Variants in CXCL12 observed in about 807,000 individuals in gnomAD.
CXCL12 encodes the protein stromal cell-derived factor 1.
Under a neutral mutation model 10.7 loss-of-function variants are expected in CXCL12, and 4 were observed. That is an observed-to-expected ratio of 0.37 (90% CI 0.18 to 0.86). The LOEUF (loss-of-function observed/expected upper bound fraction) is 0.86, where lower values mean the gene tolerates loss of function less well. Among genes scored for constraint, CXCL12 ranks in the 40% least tolerant of loss-of-function variants. The probability of loss-of-function intolerance (pLI) is 0.43; values close to 1 mark genes in which losing one functional copy is unlikely to be tolerated. For synonymous variants in CXCL12, 54 were observed against 45.4 expected, an observed-to-expected ratio of 1.19 and a Z score of -0.77; for missense variants, 122 against 110.4, an observed-to-expected ratio of 1.10 and a Z score of -0.47.
rs17884144 is a variant in CXCL12, at chr10:44,380,116, C to T, written c.179+647G>A. 1.5e-3 allele frequency among the ~76,000 whole-genome samples: 224 copies of T among 152,344 alleles called. 1 individual carries two copies. Among genetic ancestry groups the T allele is most frequent in the Non-Finnish European group, 2.8e-3 (189 of 68,030 alleles). On this transcript the variant is annotated intron_variant, in intron 2 of 2. Coordinates refer to ENST00000343575, the MANE Select transcript of CXCL12 (RefSeq NM_199168.4). ...GACCTCTTGAGCATGAGAGGGCTTT[C>T]AAGCACATGGCTTTCTTCCCGCATT...
intron 1 of CXCL12, among the ~76,000 whole-genome samples, chr10:44,382,497 C>T (rs1839662618): frequency 6.6e-6 from 1 of 152,170 alleles, no homozygotes; most frequent in Admixed American, 6.5e-5. Context: ...CACAAGCCCC[C>T]TCCCGGCAAC....
Position 44,377,626 on chromosome 10 carries a change from C to CT in CXCL12, c.*1006dup. 1.3e-6 allele frequency: 2 copies of CT among 1,531,394 alleles called. No individual in the cohort carries two copies. The allele number at this position is 1,531,394 out of a possible 1,614,324, so 94.9% of individuals were successfully genotyped here. ...CGGAAACCTCAGAGTTTGTTAGTGC[C>CT]TCCATGGCATACATAGGCTTCAGAG... On this transcript the variant is annotated 3_prime_UTR_variant, in exon 3 of 3. Transcript: ENST00000343575.
rs1839528410 is a variant in CXCL12, at chr10:44,378,534, G to T, written c.*99C>A. ...CCCACACACACACCTGGTCCTCATG[G>T]TTAAGGCCCCCTCCCCCACGTCTTT... On this transcript the variant is annotated 3_prime_UTR_variant, in exon 3 of 3. Coordinates refer to ENST00000343575, the MANE Select transcript of CXCL12 (RefSeq NM_199168.4). 6.3e-7 allele frequency: 1 copy of T among 1,577,602 alleles called. No homozygotes were observed. Among genetic ancestry groups the T allele is most frequent in the Non-Finnish European group, 8.6e-7 (1 of 1,161,448 alleles).
At chr10:44,380,404 C>A in intron 2 of CXCL12, 1 of 207,226 alleles carries the variant, frequency 4.8e-6, no homozygotes, top group South Asian at 1.1e-4. Flanking sequence ...ACTGGCAGGC[C>A]AGTTATCACT....
chr10:44,373,017 C>T (rs12258838), downstream of CXCL12: 54,699 of 1,536,038 alleles, frequency 0.036, 1,141 homozygotes, highest in African/African-American at 0.073. Flanking sequence ...TCAGAGAATA[C>T]AAAACCCAGG....
Position 44,378,516 on chromosome 10 carries a change from A to ACACACCTG in CXCL12, c.*109_*116dup. On this transcript the variant is annotated 3_prime_UTR_variant, in exon 3 of 3. Transcript: ENST00000343575. ...CCAGATCAATGTGCCCACCCCACACACACACCTGGTCCTCATGGTTAAGGC... is the reference window on the plus strand; with the variant it reads ...CCAGATCAATGTGCCCACCCCACACACACACCTGCACACCTGGTCCTCATGGTTAAGGC... 1 of 1,561,832 alleles carries ACACACCTG rather than the reference A, an allele frequency of 6.4e-7. No individual in the cohort carries two copies.
At chr10:44,375,981 CTTCT>C, downstream of CXCL12, 1 of 1,613,778 alleles carries the variant, frequency 6.2e-7, no homozygotes, top group Non-Finnish European at 8.5e-7. Flanking sequence ...TCTTCTGTCG[CTTCT>C]TTTTTCCTAT....
intron 2 of CXCL12, among the ~76,000 whole-genome samples, chr10:44,380,164 C>G (rs887569495): frequency 6.6e-6 from 1 of 152,234 alleles, no homozygotes; most frequent in African/African-American, 2.4e-5. Context: ...CTGTACCCAG[C>G]TGAGATCTTC....
In CXCL12 at chr10:44,377,525, T is replaced by G; in HGVS notation, c.*1108A>C. 1 of 1,412,318 alleles carries G rather than the reference T, an allele frequency of 7.1e-7. No individual in the cohort carries two copies. Among genetic ancestry groups the G allele is most frequent in the Non-Finnish European group, 9.2e-7 (1 of 1,088,208 alleles). 87.5% of individuals were successfully genotyped at this position (1,412,318 alleles called of 1,614,324 possible). A position where few individuals can be genotyped will look rare whatever the true frequency, so the allele number is the denominator to read the frequency against. ...CTTGCCAACAGTTCTGATTGGAACC[T>G]GAAACCCTGCTGTGGCTTCAGGAGG... On this transcript the variant is annotated 3_prime_UTR_variant, in exon 3 of 3. Transcript: ENST00000343575.
Position 44,378,770 on chromosome 10 carries a change from C to T in CXCL12, c.180-47G>A, listed in dbSNP as rs565795080. ...AGTGTGCGGCTGCACAGGAGGAAGG[C>T]GCGGCTGCAACGTGTGCATCCGCTC... On this transcript the variant is annotated intron_variant, in intron 2 of 2. Transcript: ENST00000343575. 30 of 1,595,408 alleles carry T rather than the reference C, an allele frequency of 1.9e-5. No homozygotes were observed. In the South Asian group the frequency reaches 2.0e-4, roughly 11 times the overall value.
In CXCL12 at chr10:44,385,082, A is replaced by T; in HGVS notation, c.-77T>A. On this transcript the variant is annotated 5_prime_UTR_variant, in exon 1 of 3. Coordinates refer to ENST00000343575, the MANE Select transcript of CXCL12 (RefSeq NM_199168.4). ...GCCGAGCGGGCAATGCGGCTGACGG[A>T]GAGTGAAAGTGCGGCGGTGGGAGGC... 1 of 1,152,168 alleles carries T rather than the reference A, an allele frequency of 8.7e-7. No homozygotes were observed. The highest frequency in any genetic ancestry group is 1.2e-6 in the Non-Finnish European group (1 of 855,192). The allele number at this position is 1,152,168 out of a possible 1,614,324, so 71.4% of individuals were successfully genotyped here.
chr10:44,372,162 A>G (rs1189140900), downstream of CXCL12: 2 of 152,254 alleles, frequency 1.3e-5, no homozygotes, highest in African/African-American at 2.4e-5. Context: ...ACTGGGTTTT[A>G]AAAACCAAAA....
In CXCL12 at chr10:44,378,450, T is replaced by C. The variant is rs755395882; in HGVS notation, c.*183A>G. ...AGCTGCAATATCATACCGTATGCTA[T>C]AAATGCAGGGTCTAAATGCTGGCAA... is the stretch of plus-strand genomic sequence containing the variant. On this transcript the variant is annotated 3_prime_UTR_variant, in exon 3 of 3. Transcript: ENST00000343575. The C allele has an allele frequency of 3.8e-4, 585 of 1,540,992 alleles. No individual in the cohort carries two copies. Among genetic ancestry groups the C allele is most frequent in the Non-Finnish European group, 4.9e-4 (560 of 1,145,794 alleles).
At chr10:44,383,103 A>G (rs1429936790) in intron 1 of CXCL12, among the ~76,000 whole-genome samples, 1 of 152,234 alleles carries the variant, frequency 6.6e-6, no homozygotes, top group African/African-American at 2.4e-5. Flanking sequence ...CCAAGGGCCC[A>G]GCTGCCTGAC....
At chr10:44,373,349 G>C, downstream of CXCL12, 1 of 1,605,288 alleles carries the variant, frequency 6.2e-7, no homozygotes, top group Non-Finnish European at 8.5e-7. Flanking sequence ...ACCTCCTGTT[G>C]ACAAGAACAG....
intron 1 of CXCL12, among the ~76,000 whole-genome samples, chr10:44,382,430 G>A (rs1839660397): frequency 6.6e-6 from 1 of 152,224 alleles, no homozygotes; most frequent in Non-Finnish European, 1.5e-5. Flanking sequence ...GCCCTTCCAA[G>A]CTGAGGCAGG....
chr10:44,374,335 C>G, downstream of CXCL12: 1 of 411,904 alleles, frequency 2.4e-6, no homozygotes, highest in South Asian at 1.8e-5. Context: ...TATGGGGGCA[C>G]AGGTTTGCCC....
chr10:44,373,082 A>G (rs1313518531), downstream of CXCL12: 1 of 1,536,790 alleles, frequency 6.5e-7, no homozygotes, highest in Admixed American at 2.0e-5. Flanking sequence ...AGGCAAGTAC[A>G]ATAATGGCCT....
downstream of CXCL12, among the ~76,000 whole-genome samples, chr10:44,376,499 A>G (rs1232981742): frequency 6.6e-6 from 1 of 152,218 alleles, no homozygotes; most frequent in Non-Finnish European, 1.5e-5. Context: ...CCAGGTTCAG[A>G]CTGCCATTCA....
Sources: allele counts gnomAD v4.1 joint callset (sites outside exome capture counted in the v4.1 genomes callset), GRCh38; gene constraint gnomAD v4.1.1; transcripts MANE v1.5; gene names NCBI Gene and HGNC (gene_info 2026-07-23, HGNC 2026-07-21).